The following EPHA10 variants were observed in gnomAD, a reference collection of about 807,000 sequenced individuals.
EPHA10 encodes the protein ephrin type-A receptor 10.
A neutral mutation model predicts 109.7 loss-of-function variants in EPHA10; 120 were observed. The ratio of observed to expected loss-of-function variants is 1.09; its 90% CI spans 0.94 to 1.27. The LOEUF (loss-of-function observed/expected upper bound fraction) is 1.27. Ranked by LOEUF, EPHA10 falls within the 50% of genes most tolerant of loss-of-function variation. The pLI is 0.00. For synonymous variants in EPHA10, 640 were observed against 618.9 expected, an observed-to-expected ratio of 1.03 and a Z score of -0.51; for missense variants, 1,396 against 1,411.1, an observed-to-expected ratio of 0.99 and a Z score of 0.17.
In EPHA10 at chr1:37,761,844, C is replaced by G. The variant is rs1454247662; in HGVS notation, c.411G>C (p.Leu137=). The change falls in exon 3 of 17, where the codon CTG becomes CTC. Residue 137 remains leucine (L), a synonymous_variant. Transcript: ENST00000373048. ...CGCCTAGGCGGGGACGCCCACGGCC[C>G]AGGTCGGCCTCAGTTTCCAGGTAGT... The part of the protein sequence containing the change: ...NVYYLETEAD[L]GRGRPRLGGS... 15 of 1,613,090 alleles carry G rather than the reference C, an allele frequency of 9.3e-6. No homozygotes were observed. Among genetic ancestry groups the G allele is most frequent in the Non-Finnish European group, 1.2e-5 (14 of 1,179,446 alleles).
chr1:37,727,728 G>A (rs1225209644), intron 7 of EPHA10, among the ~76,000 whole-genome samples: 1 of 152,206 alleles, frequency 6.6e-6, no homozygotes, highest in Non-Finnish European at 1.5e-5. Context: ...GGAAACTGAG[G>A]TTGAGAAATT....
At chr1:37,719,745 CA>C in intron 14 of EPHA10, 138 bp from the exon 15 acceptor site, 1 of 1,419,476 alleles carries the variant, frequency 7.0e-7, no homozygotes, top group Middle Eastern at 2.3e-4. Flanking sequence ...CACACACACA[CA>C]CCCAAGGAAG....
chr1:37,728,220 G>A (rs1291752389), intron 7 of EPHA10, among the ~76,000 whole-genome samples: 1 of 152,156 alleles, frequency 6.6e-6, no homozygotes, highest in African/African-American at 2.4e-5. Context: ...GGCGGAGAGT[G>A]GCAAATAGGA....
At chr1:37,749,345 G>C (rs1478694110) in intron 5 of EPHA10, among the ~76,000 whole-genome samples, 1 of 151,890 alleles carries the variant, frequency 6.6e-6, no homozygotes, top group Non-Finnish European at 1.5e-5. Context: ...CCTTAACATG[G>C]CTTCTAAATC....
chr1:37,749,364 T>C (rs904349437), intron 5 of EPHA10, among the ~76,000 whole-genome samples: 3 of 151,884 alleles, frequency 2.0e-5, no homozygotes, highest in Non-Finnish European at 4.4e-5. Context: ...TCTATCTGTG[T>C]CAAAACAGTT....
chr1:37,739,109 C>T (rs978383333), intron 5 of EPHA10, among the ~76,000 whole-genome samples: 7 of 151,720 alleles, frequency 4.6e-5, no homozygotes, highest in African/African-American at 9.7e-5. Flanking sequence ...ATGTAACAAA[C>T]CTGCACGCTG....
At chr1:37,743,082 A>G (rs892638589) in intron 5 of EPHA10, among the ~76,000 whole-genome samples, 1 of 152,150 alleles carries the variant, frequency 6.6e-6, no homozygotes, top group Non-Finnish European at 1.5e-5. Context: ...CTCATAACTA[A>G]TTCAAAGGGC....
chr1:37,721,439 A>G (rs569069047), intron 11 of EPHA10, among the ~76,000 whole-genome samples: 19 of 151,390 alleles, frequency 1.3e-4, no homozygotes, highest in South Asian at 8.3e-4. Context: ...AAAAAAAAAA[A>G]AAAGAAAGAA....
At chr1:37,762,183 A>C in intron 2 of EPHA10, 100 bp from the exon 3 acceptor site, 2 of 1,136,626 alleles carry the variant, frequency 1.8e-6, no homozygotes, top group South Asian at 3.1e-5. Context: ...TGCACCATGC[A>C]CACCCCGGAA....
At chr1:37,751,251 A>AC in intron 5 of EPHA10, among the ~76,000 whole-genome samples, 1 of 150,120 alleles carries the variant, frequency 6.7e-6, no homozygotes, top group Non-Finnish European at 1.5e-5. Flanking sequence ...AGAAAAAAAA[A>AC]AAAGAAATCC....
At chr1:37,751,201 C>CAAAAAAAAAAAA (rs1320111085) in intron 5 of EPHA10, among the ~76,000 whole-genome samples, 2 of 46,118 alleles carry the variant, frequency 4.3e-5, no homozygotes, top group Non-Finnish European at 4.1e-5. Flanking sequence ...AGACTCCTCT[C>CAAAAAAAAAAAA]AAAAAAAAAA....
At chr1:37,730,178 C>T (rs1645958900) in intron 7 of EPHA10, among the ~76,000 whole-genome samples, 1 of 152,156 alleles carries the variant, frequency 6.6e-6, no homozygotes, top group Non-Finnish European at 1.5e-5. Context: ...CTTCTCTTTC[C>T]AGCACCTGGC....
chr1:37,741,849 C>T (rs1037336815), intron 5 of EPHA10, among the ~76,000 whole-genome samples: 1 of 152,168 alleles, frequency 6.6e-6, no homozygotes, highest in African/African-American at 2.4e-5. Context: ...GTGCTCTTCC[C>T]TATCCCCCGG....
intron 5 of EPHA10, among the ~76,000 whole-genome samples, chr1:37,748,759 A>C (rs1402896562): frequency 6.6e-6 from 1 of 152,126 alleles, no homozygotes; most frequent in Non-Finnish European, 1.5e-5. Flanking sequence ...TCATATTGAA[A>C]ATGCTTAATA....
At chr1:37,718,972 G>A (rs1285805019) in intron 15 of EPHA10, 156 bp from the exon 16 acceptor site, 2 of 960,512 alleles carry the variant, frequency 2.1e-6, no homozygotes, top group African/African-American at 3.3e-5. Flanking sequence ...GTGCATTCGT[G>A]AAGAAGCGAG....
Position 37,764,962 on chromosome 1 carries a change from T to A in EPHA10, c.105A>T (p.Glu35Asp). 1 of 1,604,860 alleles carries A rather than the reference T, an allele frequency of 6.2e-7. No homozygotes were observed. The highest frequency in any genetic ancestry group is 8.5e-7 in the Non-Finnish European group (1 of 1,176,816). The stretch of plus-strand genomic sequence containing the variant: ...AGCAGAGCTCACCAGTCTTCTCACC[T>A]TCCTCGGCGGTCCCAGGCCGCCAGG... Reference protein sequence around the residue: ...LGPWRPGTAEEVILLDSKASQ... With the variant: ...LGPWRPGTAEDVILLDSKASQ... Residue 35 changes from glutamate (E) to aspartate (D), a missense_variant and splice_region_variant, in exon 1 of 17, where the codon GAA becomes GAT. Coordinates refer to ENST00000373048, the MANE Select transcript of EPHA10 (RefSeq NM_001099439.2). This position sits in a 1 kb window ranked among gnomAD's most constrained non-coding sequence, Gnocchi z 5.8.
In EPHA10 at chr1:37,723,307, TCA is replaced by T; in HGVS notation, c.1834+2_1834+3del. 6.2e-7 allele frequency: 1 copy of T among 1,614,000 alleles called. No homozygotes were observed. Among genetic ancestry groups the T allele is most frequent in the African/African-American group, 1.3e-5 (1 of 75,024 alleles). ...CCCTCCCCAGCCAGGCCCAGCCAAC[TCA>T]CAGTGGAAATACAGCTCCTCTTCAT... On this transcript the variant is annotated splice_donor_variant and splice_donor_region_variant and intron_variant, in intron 9 of 16. Transcript: ENST00000373048. LOFTEE classifies it high-confidence loss of function.
chr1:37,748,731 A>G (rs1267618085), intron 5 of EPHA10, among the ~76,000 whole-genome samples: 1 of 152,138 alleles, frequency 6.6e-6, no homozygotes, highest in Non-Finnish European at 1.5e-5. Flanking sequence ...CCGACAGGTC[A>G]AAAAGGAAAA....
At position 37,752,893 on chromosome 1, in the gene EPHA10, A is replaced by G; in HGVS notation, c.1340T>C (p.Val447Ala). ...GGCCTTACCCCCGGGCCCGGTGGAG[A>G]CGGTGACCTGCGCGTAGGTGGTTCC... The part of the protein sequence containing the change: ...AAGTTYAQVT[V>A]STGPGAPWEE... Residue 447 changes from valine to alanine, a missense_variant, in exon 5 of 17, where the codon GTC (valine) becomes GCC (alanine). By Grantham distance (64) the Val-to-Ala change is moderately conservative. Coordinates refer to ENST00000373048, the MANE Select transcript of EPHA10 (RefSeq NM_001099439.2). The G allele has an allele frequency of 1.5e-6, 2 of 1,302,014 alleles. No homozygotes were observed. The highest frequency in any genetic ancestry group is 4.5e-5 in the South Asian group (2 of 44,816). The allele number at this position is 1,302,014 out of a possible 1,614,324, so 80.7% of individuals were successfully genotyped here.
Sources: gnomAD v4.1 joint callset for allele counts (sites outside exome capture counted in the v4.1 genomes callset) on GRCh38, gnomAD v4.1.1 for gene constraint, Gnocchi (gnomAD v3.1) non-coding constraint, MANE v1.5 for transcripts, NCBI Gene and HGNC (gene_info 2026-07-23, HGNC 2026-07-21) for gene names.